The following SHISA9 variants were observed in gnomAD, a reference collection of about 807,000 sequenced individuals.
SHISA9 encodes the protein protein shisa-9.
A neutral mutation model predicts 38.0 loss-of-function variants in SHISA9; 13 were observed. The observed-to-expected ratio is 0.34, with a 90% CI of 0.22 to 0.54. The LOEUF is 0.54. SHISA9 is among the 20% of genes least tolerant of loss of function. The probability of loss-of-function intolerance (pLI) is 0.91; values close to 1 mark genes in which losing one functional copy is unlikely to be tolerated. For missense variants in SHISA9, 538 were observed against 575.8 expected, an observed-to-expected ratio of 0.93 and a Z score of 0.67; for synonymous variants, 275 against 242.0, an observed-to-expected ratio of 1.14 and a Z score of -1.27.
the SHISA9 span, among the ~76,000 whole-genome samples, chr16:13,308,677 A>G: frequency 6.6e-6 from 1 of 152,192 alleles, no homozygotes; most frequent in Non-Finnish European, 1.5e-5. Flanking sequence ...AAGAAGACTC[A>G]ATACAAGACA....
At chr16:13,047,179 C>T (rs988981580) in intron 2 of SHISA9, among the ~76,000 whole-genome samples, 4 of 152,100 alleles carry the variant, frequency 2.6e-5, no homozygotes, top group African/African-American at 9.7e-5. Flanking sequence ...CCTCCAGGAT[C>T]AGTGTTTTGA....
the SHISA9 span, among the ~76,000 whole-genome samples, chr16:13,410,670 C>G: frequency 4.6e-5 from 7 of 152,234 alleles, no homozygotes; most frequent in South Asian, 1.5e-3. Flanking sequence ...TTCAAGGACG[C>G]TAAATTGATT....
the SHISA9 span, among the ~76,000 whole-genome samples, chr16:13,361,702 G>A: frequency 2.0e-5 from 3 of 152,212 alleles, no homozygotes; most frequent in Admixed American, 6.5e-5. Flanking sequence ...CGTCTTCAAA[G>A]GCATTGCACC....
At chr16:13,109,872 A>G (rs7499883) in intron 2 of SHISA9, among the ~76,000 whole-genome samples, 1 of 152,124 alleles carries the variant, frequency 6.6e-6, no homozygotes, top group East Asian at 1.9e-4. Flanking sequence ...ATAATATTCC[A>G]TCATATGGAT....
At chr16:13,036,219 T>A (rs762640049) in intron 2 of SHISA9, among the ~76,000 whole-genome samples, 1 of 152,196 alleles carries the variant, frequency 6.6e-6, no homozygotes, top group Non-Finnish European at 1.5e-5. Flanking sequence ...TTGTAATAGC[T>A]CCAAGCTAAA....
At chr16:13,284,420 A>G in the SHISA9 span, among the ~76,000 whole-genome samples, 1 of 152,172 alleles carries the variant, frequency 6.6e-6, no homozygotes, top group Non-Finnish European at 1.5e-5. Context: ...GAATTCAGAT[A>G]GTATCTTTAG....
chr16:13,024,102 G>A (rs2072891390), intron 2 of SHISA9, among the ~76,000 whole-genome samples: 1 of 152,208 alleles, frequency 6.6e-6, no homozygotes, highest in African/African-American at 2.4e-5. Flanking sequence ...ACACTTAGTG[G>A]ATTGGTTATC....
the SHISA9 span, among the ~76,000 whole-genome samples, chr16:13,408,943 A>G: frequency 6.6e-6 from 1 of 152,226 alleles, no homozygotes; most frequent in Non-Finnish European, 1.5e-5. Flanking sequence ...CCATGGCCTT[A>G]AGAGAGAACA....
chr16:13,460,101 A>G, the SHISA9 span, among the ~76,000 whole-genome samples: 2 of 152,262 alleles, frequency 1.3e-5, no homozygotes, highest in South Asian at 4.1e-4. Context: ...ATCCCTAAAC[A>G]TATCCATTTG....
At chr16:12,986,830 G>A (rs1010016939) in intron 2 of SHISA9, among the ~76,000 whole-genome samples, 10 of 152,214 alleles carry the variant, frequency 6.6e-5, no homozygotes, top group Non-Finnish European at 1.5e-4. Context: ...GAGGCTTAGA[G>A]AGGCAAAGGA....
the SHISA9 span, among the ~76,000 whole-genome samples, chr16:13,421,213 G>GATA: frequency 6.6e-6 from 1 of 151,724 alleles, no homozygotes; most frequent in Non-Finnish European, 1.5e-5. Context: ...TGTTATTACT[G>GATA]ACAAGTACTT....
At chr16:13,240,722 G>A (rs1291430617), downstream of SHISA9, among the ~76,000 whole-genome samples, 4 of 152,130 alleles carry the variant, frequency 2.6e-5, no homozygotes, top group African/African-American at 7.2e-5. Context: ...CAAGAATCTT[G>A]CTGCGATTTG....
the SHISA9 span, among the ~76,000 whole-genome samples, chr16:13,447,029 G>A: frequency 2.6e-5 from 4 of 151,222 alleles, no homozygotes; most frequent in African/African-American, 9.8e-5. Context: ...CTATGTGTGG[G>A]GCTGTAAAAA....
intron 2 of SHISA9, among the ~76,000 whole-genome samples, chr16:13,172,854 C>T (rs1047842605): frequency 7.9e-5 from 12 of 151,464 alleles, no homozygotes; most frequent in African/African-American, 2.9e-4. Context: ...TTTGAAACGC[C>T]GAATAATGTA....
the SHISA9 span, among the ~76,000 whole-genome samples, chr16:13,550,032 A>AT: frequency 6.6e-6 from 1 of 151,708 alleles, no homozygotes; most frequent in Non-Finnish European, 1.5e-5. Context: ...CAAAAAAAAA[A>AT]AAAATAAAGT....
At chr16:13,131,311 C>G (rs2050304665) in intron 2 of SHISA9, among the ~76,000 whole-genome samples, 1 of 152,146 alleles carries the variant, frequency 6.6e-6, no homozygotes, top group Admixed American at 6.6e-5. Context: ...GTGTCCTTTA[C>G]AGGGACATGG....
At chr16:13,135,314 C>G (rs1355841974) in intron 2 of SHISA9, among the ~76,000 whole-genome samples, 1 of 152,198 alleles carries the variant, frequency 6.6e-6, no homozygotes, top group Non-Finnish European at 1.5e-5. Flanking sequence ...GATGCACCAC[C>G]TGGATCCTTC....
chr16:12,998,554 A>T (rs1444084381), intron 2 of SHISA9, among the ~76,000 whole-genome samples: 6 of 152,028 alleles, frequency 3.9e-5, no homozygotes, highest in African/African-American at 1.5e-4. Context: ...TTTTGAGACA[A>T]TGTCTCGCTC....
chr16:13,535,821 A>C, the SHISA9 span, among the ~76,000 whole-genome samples: 1 of 152,164 alleles, frequency 6.6e-6, no homozygotes, highest in African/African-American at 2.4e-5. Context: ...TAATTGTTCC[A>C]TCATATTTGC....
Sources: allele counts gnomAD v4.1 joint callset (sites outside exome capture counted in the v4.1 genomes callset), GRCh38; gene constraint gnomAD v4.1.1; transcripts MANE v1.5; gene names NCBI Gene and HGNC (gene_info 2026-07-23, HGNC 2026-07-21).